Variants in PABPC4L observed in about 807,000 individuals in gnomAD.
PABPC4L encodes the protein poly(A) binding protein cytoplasmic 4 like.
For synonymous variants in PABPC4L, 169 were observed against 164.1 expected, an observed-to-expected ratio of 1.03 and a Z score of -0.23; for missense variants, 452 against 451.4, an observed-to-expected ratio of 1.00 and a Z score of -0.01.
At chr4:134,123,884 T>C in the PABPC4L span, among the ~76,000 whole-genome samples, 2 of 151,728 alleles carry the variant, frequency 1.3e-5, no homozygotes, top group East Asian at 3.9e-4. Context: ...GATGCAGAGC[T>C]GCAATTGAAA....
chr4:133,995,152 C>T, the PABPC4L span, among the ~76,000 whole-genome samples: 347 of 152,244 alleles, frequency 2.3e-3, 7 homozygotes, highest in East Asian at 0.057. Context: ...AGGGGGTTGC[C>T]GTTTTTATCA....
chr4:134,003,038 A>T, the PABPC4L span, among the ~76,000 whole-genome samples: 1 of 152,054 alleles, frequency 6.6e-6, no homozygotes, highest in East Asian at 1.9e-4. Context: ...TATATATTGC[A>T]TGAAGGCTTA....
At chr4:134,084,317 G>A in the PABPC4L span, among the ~76,000 whole-genome samples, 2 of 152,056 alleles carry the variant, frequency 1.3e-5, no homozygotes, top group African/African-American at 4.8e-5. Flanking sequence ...AGGGTGCTGG[G>A]TTACAGATGT....
the PABPC4L span, among the ~76,000 whole-genome samples, chr4:134,083,107 G>T: frequency 1.3e-5 from 2 of 152,032 alleles, no homozygotes; most frequent in Non-Finnish European, 2.9e-5. Context: ...CATTCATTCA[G>T]CAGATAATTG....
chr4:133,976,373 G>C, the PABPC4L span, among the ~76,000 whole-genome samples: 1 of 152,084 alleles, frequency 6.6e-6, no homozygotes, highest in East Asian at 1.9e-4. Context: ...CATTTGGGTT[G>C]ATTCCATGTC....
At chr4:134,130,282 CA>C in the PABPC4L span, among the ~76,000 whole-genome samples, 1 of 151,756 alleles carries the variant, frequency 6.6e-6, no homozygotes, top group African/African-American at 2.4e-5. Context: ...ATAGATCATT[CA>C]TGAGATTAAC....
At chr4:134,173,852 C>T in the PABPC4L span, among the ~76,000 whole-genome samples, 25 of 152,036 alleles carry the variant, frequency 1.6e-4, no homozygotes, top group Non-Finnish European at 2.9e-4. Flanking sequence ...GATTGTATAT[C>T]CATAGTAATT....
chr4:133,999,400 T>C, the PABPC4L span, among the ~76,000 whole-genome samples: 2 of 152,238 alleles, frequency 1.3e-5, no homozygotes, highest in Non-Finnish European at 2.9e-5. Context: ...GATGTAATGC[T>C]TCCTTTTGTC....
the PABPC4L span, among the ~76,000 whole-genome samples, chr4:134,100,997 T>A: frequency 6.7e-6 from 1 of 148,712 alleles, no homozygotes; most frequent in Non-Finnish European, 1.5e-5. Context: ...ATATTTCCCA[T>A]CAAAAACAAA....
the PABPC4L span, among the ~76,000 whole-genome samples, chr4:134,010,027 GA>G: frequency 4.6e-5 from 7 of 151,996 alleles, no homozygotes; most frequent in African/African-American, 1.4e-4. Context: ...TAAGTGGTCA[GA>G]AATATGATCA....
chr4:134,050,073 C>T, the PABPC4L span, among the ~76,000 whole-genome samples: 54 of 152,122 alleles, frequency 3.5e-4, no homozygotes, highest in African/African-American at 1.3e-3. Context: ...ACTCTTAAGA[C>T]TAGATGAAGT....
chr4:134,064,262 A>C, the PABPC4L span, among the ~76,000 whole-genome samples: 1 of 152,078 alleles, frequency 6.6e-6, no homozygotes, highest in Admixed American at 6.6e-5. Context: ...AAAGAAATTA[A>C]GTTAATCAAA....
At chr4:134,068,554 A>T in the PABPC4L span, among the ~76,000 whole-genome samples, 6 of 152,046 alleles carry the variant, frequency 3.9e-5, no homozygotes. Context: ...GAAATTGATC[A>T]TGTCATCATG....
the PABPC4L span, among the ~76,000 whole-genome samples, chr4:134,093,698 A>G: frequency 1.3e-5 from 2 of 151,382 alleles, no homozygotes; most frequent in African/African-American, 4.8e-5. Flanking sequence ...GCTTTTCCTC[A>G]TAAAGTAATT....
chr4:134,050,554 G>C, the PABPC4L span, among the ~76,000 whole-genome samples: 1 of 151,588 alleles, frequency 6.6e-6, no homozygotes, highest in Non-Finnish European at 1.5e-5. Flanking sequence ...AAAATACAAA[G>C]ATTTGCCAGG....
the PABPC4L span, among the ~76,000 whole-genome samples, chr4:134,190,998 T>C: frequency 6.6e-6 from 1 of 152,186 alleles, no homozygotes; most frequent in Non-Finnish European, 1.5e-5. Flanking sequence ...AGTGTATCTC[T>C]TGATTTCTGA....
chr4:134,113,369 A>G, the PABPC4L span, among the ~76,000 whole-genome samples: 3 of 152,044 alleles, frequency 2.0e-5, no homozygotes, highest in East Asian at 5.8e-4. Flanking sequence ...ATACAGGTAT[A>G]CCATTATTTT....
the PABPC4L span, among the ~76,000 whole-genome samples, chr4:134,088,456 G>T: frequency 6.6e-6 from 1 of 151,988 alleles, no homozygotes; most frequent in African/African-American, 2.4e-5. Flanking sequence ...TTATCCATTT[G>T]TTCTCTTAAT....
At chr4:133,956,435 T>C in the PABPC4L span, among the ~76,000 whole-genome samples, 2 of 152,148 alleles carry the variant, frequency 1.3e-5, no homozygotes, top group African/African-American at 4.8e-5. Context: ...TTTGATGCTG[T>C]TTTTTTCTCT....
Sources: allele counts gnomAD v4.1 joint callset (sites outside exome capture counted in the v4.1 genomes callset), GRCh38; gene constraint gnomAD v4.1.1; transcripts MANE v1.5; gene names NCBI Gene and HGNC (gene_info 2026-07-23, HGNC 2026-07-21).